Variants in SCRG1 observed in about 807,000 individuals in gnomAD.
SCRG1 encodes stimulator of chondrogenesis 1, also known as scrapie-responsive protein 1.
SCRG1 carries 3 observed loss-of-function variants against 7.7 expected under a neutral mutation model. The observed-to-expected ratio is 0.39, with a 90% CI of 0.18 to 1.01. SCRG1 has a LOEUF of 1.01. Ranked by LOEUF, SCRG1 falls within the 50% of genes least tolerant of loss-of-function variation. The pLI is 0.36. For synonymous variants in SCRG1, 46 were observed against 41.2 expected, an observed-to-expected ratio of 1.12 and a Z score of -0.44; for missense variants, 110 against 117.2, an observed-to-expected ratio of 0.94 and a Z score of 0.28.
chr4:173,507,153 A>G, the SCRG1 span, among the ~76,000 whole-genome samples: 2 of 152,216 alleles, frequency 1.3e-5, no homozygotes, highest in Non-Finnish European at 2.9e-5. This position sits in a 1 kb window ranked among gnomAD's most constrained non-coding sequence, Gnocchi z 4.4. Context: ...TAAGAAGGCC[A>G]GACTCTACTC....
intron 2 of SCRG1, chr4:173,389,925 A>G (rs1021128749): frequency 2.8e-5 from 11 of 398,406 alleles, no homozygotes; most frequent in African/African-American, 1.0e-4. Flanking sequence ...GCTAATTTCA[A>G]TATGAAATAT....
chr4:173,467,956 A>G, the SCRG1 span: 2 of 152,614 alleles, frequency 1.3e-5, no homozygotes, highest in Admixed American at 6.5e-5. Flanking sequence ...ATATCAGTAA[A>G]ATAATGTCTA....
At chr4:173,454,585 A>G in the SCRG1 span, among the ~76,000 whole-genome samples, 2 of 152,152 alleles carry the variant, frequency 1.3e-5, no homozygotes, top group African/African-American at 2.4e-5. Flanking sequence ...TAATAAGTCT[A>G]TTACCTTATG....
At chr4:173,511,446 GT>G in the SCRG1 span, among the ~76,000 whole-genome samples, 223 of 151,510 alleles carry the variant, frequency 1.5e-3, 2 homozygotes, top group East Asian at 0.019. This position sits in a 1 kb window ranked among gnomAD's most constrained non-coding sequence, Gnocchi z 5.2. Context: ...GTTTTGTTTT[GT>G]TTTTTTTCTG....
chr4:173,417,115 GAC>G, the SCRG1 span, among the ~76,000 whole-genome samples: 5 of 149,556 alleles, frequency 3.3e-5, no homozygotes, highest in East Asian at 2.0e-4. Flanking sequence ...CACACACACA[GAC>G]ACACACAGAC....
the SCRG1 span, among the ~76,000 whole-genome samples, chr4:173,480,789 T>C: frequency 6.6e-6 from 1 of 152,092 alleles, no homozygotes; most frequent in Non-Finnish European, 1.5e-5. Flanking sequence ...TATGCTGAAG[T>C]ACTGGAGGGT....
the SCRG1 span, among the ~76,000 whole-genome samples, chr4:173,456,401 G>A: frequency 6.6e-6 from 1 of 152,196 alleles, no homozygotes; most frequent in African/African-American, 2.4e-5. Context: ...CAATGAATCT[G>A]AAGTTCTGAT....
At chr4:173,488,131 A>G in the SCRG1 span, among the ~76,000 whole-genome samples, 1 of 147,576 alleles carries the variant, frequency 6.8e-6, no homozygotes, top group Non-Finnish European at 1.5e-5. Context: ...ATAAATAAAT[A>G]AATTTAAAAA....
At chr4:173,476,343 T>C in the SCRG1 span, among the ~76,000 whole-genome samples, 1 of 76,338 alleles carries the variant, frequency 1.3e-5, no homozygotes, top group Admixed American at 1.9e-4. Flanking sequence ...CCTAGGTAAA[T>C]CTCTGAGGGG....
chr4:173,455,518 C>T, the SCRG1 span, among the ~76,000 whole-genome samples: 2 of 152,140 alleles, frequency 1.3e-5, no homozygotes, highest in Admixed American at 1.3e-4. Context: ...GGAACCACAG[C>T]ACTTGGTGAA....
chr4:173,414,643 G>A, the SCRG1 span, among the ~76,000 whole-genome samples: 8 of 152,354 alleles, frequency 5.3e-5, no homozygotes, highest in African/African-American at 9.6e-5. Context: ...AGGGGTGGGT[G>A]TTCTCATCTA....
At chr4:173,435,642 T>C in the SCRG1 span, among the ~76,000 whole-genome samples, 1 of 152,100 alleles carries the variant, frequency 6.6e-6, no homozygotes, top group Non-Finnish European at 1.5e-5. Context: ...ATCGCCAAGG[T>C]AGGCAGCAAG....
At chr4:173,393,905 C>G (rs768264684) in intron 1 of SCRG1, among the ~76,000 whole-genome samples, 1 of 151,982 alleles carries the variant, frequency 6.6e-6, no homozygotes, top group Non-Finnish European at 1.5e-5. Flanking sequence ...TACTTATAGT[C>G]TATTTTGTCA....
intron 2 of SCRG1, 69 bp from the exon 3 acceptor site, chr4:173,388,464 A>C: frequency 9.8e-7 from 1 of 1,020,978 alleles, no homozygotes; most frequent in South Asian, 1.5e-5. Context: ...ATTCTAGGTT[A>C]AAAATAGACA....
At chr4:173,484,635 T>C in the SCRG1 span, among the ~76,000 whole-genome samples, 1 of 96,678 alleles carries the variant, frequency 1.0e-5, no homozygotes, top group Admixed American at 1.8e-4. Flanking sequence ...ATATATATTA[T>C]ATGCATATAA....
the SCRG1 span, among the ~76,000 whole-genome samples, chr4:173,442,491 A>T: frequency 1.3e-5 from 2 of 152,166 alleles, no homozygotes; most frequent in African/African-American, 4.8e-5. Context: ...AGATATCTGG[A>T]GTCATCACCT....
the SCRG1 span, among the ~76,000 whole-genome samples, chr4:173,508,083 G>T: frequency 4.6e-5 from 7 of 152,176 alleles, no homozygotes; most frequent in Non-Finnish European, 1.0e-4. The surrounding 1 kb of genome is among the most constrained non-coding windows in gnomAD (Gnocchi z 4.4). Context: ...AGCTGGCAGT[G>T]CCTGGGAAAA....
intron 2 of SCRG1, among the ~76,000 whole-genome samples, chr4:173,390,630 G>A (rs1213753985): frequency 6.6e-6 from 1 of 151,958 alleles, no homozygotes; most frequent in Non-Finnish European, 1.5e-5. Context: ...ATGCCACCAC[G>A]CCCAGCTAAT....
At chr4:173,443,940 G>GTT in the SCRG1 span, among the ~76,000 whole-genome samples, 74 of 115,468 alleles carry the variant, frequency 6.4e-4, no homozygotes, top group African/African-American at 2.4e-3. Flanking sequence ...CAAAGAGCTT[G>GTT]TTTTGTGTGT....
Sources: allele counts gnomAD v4.1 joint callset (sites outside exome capture counted in the v4.1 genomes callset), GRCh38; gene constraint gnomAD v4.1.1; non-coding constraint Gnocchi (gnomAD v3.1); transcripts MANE v1.5; gene names NCBI Gene and HGNC (gene_info 2026-07-23, HGNC 2026-07-21).